The following CSRP3 variants were observed in gnomAD, a reference collection of about 807,000 sequenced individuals.
CSRP3 encodes cysteine and glycine-rich protein 3.
CSRP3 carries 24 observed loss-of-function variants against 24.3 expected under a neutral mutation model. The ratio of observed to expected loss-of-function variants is 0.99; its 90% confidence interval spans 0.71 to 1.39. The LOEUF is 1.39. Ranked by LOEUF, CSRP3 falls within the 40% of genes most tolerant of loss-of-function variation. The probability of loss-of-function intolerance (pLI) is 0.00; values close to 1 mark genes in which losing one functional copy is unlikely to be tolerated. For missense variants in CSRP3, 240 were observed against 249.0 expected, an observed-to-expected ratio of 0.96 and a Z score of 0.24; for synonymous variants, 105 against 94.0, an observed-to-expected ratio of 1.12 and a Z score of -0.68.
chr11:19,192,432 C>T lies in CSRP3; in HGVS notation c.17G>A (p.Gly6Glu), dbSNP rs1431565691. The change falls in exon 2 of 6, where the codon GGA (glycine) becomes GAA (glutamate). Residue 6 changes from glycine (G) to glutamate (E), a missense_variant. By Grantham distance (98) the Gly-to-Glu change is moderately conservative. Transcript: ENST00000265968. MPNWG[G>E]GAKCGACEKT... ...TTCACAGGCTCCACATTTTGCGCCT[C>T]CGCCCCAGTTTGGCATCTTGAAGAC... The T allele has an allele frequency of 6.2e-7, 1 of 1,614,110 alleles. No individual in the cohort carries two copies. The highest frequency in any genetic ancestry group is 1.1e-5 in the South Asian group (1 of 91,088).
chr11:19,185,174 T>C, intron 4 of CSRP3, 129 bp from the exon 5 acceptor site: 2 of 740,082 alleles, frequency 2.7e-6, no homozygotes, highest in Non-Finnish European at 2.4e-6. Flanking sequence ...ATGGGCCCCA[T>C]AATTTCTCCA....
rs1421823559 is a variant in CSRP3, at chr11:19,182,157, T to C, written c.*513A>G. 1.3e-5 allele frequency: 2 copies of C among 158,486 alleles called. No individual in the cohort carries two copies. Among genetic ancestry groups the C allele is most frequent in the Non-Finnish European group, 2.8e-5 (2 of 71,388 alleles). 9.8% of individuals were successfully genotyped at this position (158,486 alleles called of 1,614,324 possible). A position where few individuals can be genotyped will look rare whatever the true frequency, so the allele number is the denominator to read the frequency against. ...TCTTCAGCAATTTTATTAGTTTTGA[T>C]TTTCCTTTTAGATTTTGCTATCATG... On this transcript the variant is annotated 3_prime_UTR_variant, in exon 6 of 6. Coordinates refer to ENST00000265968, the MANE Select transcript of CSRP3 (RefSeq NM_003476.5).
chr11:19,185,713 G>T (rs1443116333), intron 4 of CSRP3, among the ~76,000 whole-genome samples: 1 of 152,130 alleles, frequency 6.6e-6, no homozygotes, highest in Non-Finnish European at 1.5e-5. Flanking sequence ...GAGTACCCAG[G>T]CTTTGGGCCT....
At chr11:19,184,015 C>G (rs1356346235) in intron 5 of CSRP3, among the ~76,000 whole-genome samples, 1 of 152,120 alleles carries the variant, frequency 6.6e-6, no homozygotes, top group Admixed American at 6.5e-5. Flanking sequence ...GCCATGATTG[C>G]GAGGCCTCCC....
At chr11:19,189,575 A>G (rs977850136) in intron 2 of CSRP3, among the ~76,000 whole-genome samples, 6 of 152,248 alleles carry the variant, frequency 3.9e-5, no homozygotes, top group Non-Finnish European at 7.3e-5. Context: ...TCAGGCTAAT[A>G]TGCCTTCTTC....
chr11:19,196,385 G>T (rs1313119511), intron 1 of CSRP3, among the ~76,000 whole-genome samples: 4 of 152,148 alleles, frequency 2.6e-5, no homozygotes, highest in Non-Finnish European at 5.9e-5. Flanking sequence ...CCATTGTGAA[G>T]GTCATGGAAA....
In CSRP3 at chr11:19,182,766, G is replaced by T. The variant is rs375020550; in HGVS notation, c.509-20C>A. On this transcript the variant is annotated intron_variant, in intron 5 of 5. Coordinates refer to ENST00000265968, the MANE Select transcript of CSRP3 (RefSeq NM_003476.5). ...AGCAAACTGTGAATGAGAAGAGGATGAAGGGAGAGACAATGCATTGGTTAG... is the reference window on the plus strand; with the variant it reads ...AGCAAACTGTGAATGAGAAGAGGATTAAGGGAGAGACAATGCATTGGTTAG... The T allele has an allele frequency of 4.4e-6, 7 of 1,588,636 alleles. No homozygotes were observed. Among genetic ancestry groups the T allele is most frequent in the Non-Finnish European group, 6.1e-6 (7 of 1,156,638 alleles).
chr11:19,191,644 G>C (rs1850616149), intron 2 of CSRP3, among the ~76,000 whole-genome samples: 1 of 152,140 alleles, frequency 6.6e-6, no homozygotes, highest in African/African-American at 2.4e-5. Flanking sequence ...TTAGATGTGA[G>C]AAATGACTTA....
intron 3 of CSRP3, 110 bp downstream of exon 3, chr11:19,188,023 TCAA>T (rs1238752944): frequency 2.2e-5 from 27 of 1,243,922 alleles, no homozygotes; most frequent in Non-Finnish European, 3.1e-5. Context: ...TGTTGGCAAG[TCAA>T]CAATAGAGTC....
At chr11:19,193,425 A>G (rs1850647176) in intron 1 of CSRP3, among the ~76,000 whole-genome samples, 1 of 152,224 alleles carries the variant, frequency 6.6e-6, no homozygotes, top group South Asian at 2.1e-4. Flanking sequence ...AGCTACAAGG[A>G]GCTGCTAATA....
At chr11:19,188,632 G>A (rs1850569492) in intron 2 of CSRP3, among the ~76,000 whole-genome samples, 1 of 151,634 alleles carries the variant, frequency 6.6e-6, no homozygotes, top group African/African-American at 2.4e-5. Context: ...GTGTGTGTGT[G>A]TGTGTGTGTG....
rs10766529 is a variant in CSRP3, at chr11:19,188,536, C to T, written c.113-232G>A. Among the ~76,000 whole-genome samples, 25,998 of 151,536 alleles carry T rather than the reference C, an allele frequency of 0.17. 2,351 individuals carry two copies. Among genetic ancestry groups the T allele is most frequent in the African/African-American group, 0.21 (8,604 of 41,294 alleles). On this transcript the variant is annotated intron_variant, in intron 2 of 5. Coordinates refer to ENST00000265968, the MANE Select transcript of CSRP3 (RefSeq NM_003476.5). ...GTTCCCAGCTGGAAAAGGGTGGAAG[C>T]TAGCATTAGAACGAGATATATAGTC...
At chr11:19,200,036 A>G (rs1365009432) in intron 1 of CSRP3, among the ~76,000 whole-genome samples, 1 of 152,184 alleles carries the variant, frequency 6.6e-6, no homozygotes, top group East Asian at 1.9e-4. Flanking sequence ...ACTCCTGGTC[A>G]GCTTCTTACC....
intron 2 of CSRP3, among the ~76,000 whole-genome samples, chr11:19,189,558 G>A (rs1353033462): frequency 6.6e-6 from 1 of 152,060 alleles, no homozygotes; most frequent in Non-Finnish European, 1.5e-5. Context: ...CATTGAATGA[G>A]GTTATTTCAG....
Position 19,186,296 on chromosome 11 carries a change from C to G in CSRP3, c.334G>C (p.Ala112Pro), listed in dbSNP as rs727504905. ...VTTSNPSKFT[A>P]KFGESEKCPR... is the part of the protein sequence containing the mutation. ...CACTTCTCGGACTCTCCAAACTTCG[C>G]AGTGAATTTGGAAGGGTTGCTGGTG... The change falls in exon 4 of 6, where the codon GCG becomes CCG. Residue 112 changes from alanine (A) to proline (P), a missense_variant. Transcript: ENST00000265968. 1 of 1,614,182 alleles carries G rather than the reference C, an allele frequency of 6.2e-7. No individual in the cohort carries two copies. Among genetic ancestry groups the G allele is most frequent in the Non-Finnish European group, 8.5e-7 (1 of 1,180,032 alleles).
Position 19,186,261 on chromosome 11 carries a change from A to T in CSRP3, c.369T>A (p.Cys123Ter), listed in dbSNP as rs1216811263. The T allele has an allele frequency of 1.2e-6, 2 of 1,614,080 alleles. No homozygotes were observed. Among genetic ancestry groups the T allele is most frequent in the African/African-American group, 2.7e-5 (2 of 74,926 alleles). Residue 123 changes from cysteine (C) to a stop codon, truncating the protein, a stop_gained, in exon 4 of 6, where the codon TGT becomes TGA. Coordinates refer to ENST00000265968, the MANE Select transcript of CSRP3 (RefSeq NM_003476.5). LOFTEE classifies it high-confidence loss of function. ...TCTCAGCAGCATAGACTGACTTGCCACATCGAGGGCACTTCTCGGACTCTC... is the reference window on the plus strand; with the variant it reads ...TCTCAGCAGCATAGACTGACTTGCCTCATCGAGGGCACTTCTCGGACTCTC... ...KFGESEKCPRCGKSVYAAEKV... is the reference protein window; with the variant it reads ...KFGESEKCPR
intron 1 of CSRP3, among the ~76,000 whole-genome samples, chr11:19,193,855 G>T (rs1184727882): frequency 6.6e-6 from 1 of 152,178 alleles, no homozygotes; most frequent in Admixed American, 6.5e-5. Flanking sequence ...AATAATAATT[G>T]TCCTCATCTG....
At chr11:19,196,828 A>G (rs2133521836) in intron 1 of CSRP3, 1 of 152,376 alleles carries the variant, frequency 6.6e-6, no homozygotes, top group African/African-American at 2.4e-5. Context: ...AATGGGGGAC[A>G]GTCTGGAATT....
chr11:19,182,755 G>A lies in CSRP3; in HGVS notation c.509-9C>T. ...ATTTTTGGCATAGCAAACTGTGAATGAGAAGAGGATGAAGGGAGAGACAAT... is the reference window on the plus strand; with the variant it reads ...ATTTTTGGCATAGCAAACTGTGAATAAGAAGAGGATGAAGGGAGAGACAAT... On this transcript the variant is annotated splice_polypyrimidine_tract_variant and intron_variant, in intron 5 of 5. Transcript: ENST00000265968. 1 of 1,606,922 alleles carries A rather than the reference G, an allele frequency of 6.2e-7. No individual in the cohort carries two copies. The highest frequency in any genetic ancestry group is 8.5e-7 in the Non-Finnish European group (1 of 1,173,374).
Sources: gnomAD v4.1 joint callset for allele counts (sites outside exome capture counted in the v4.1 genomes callset) on GRCh38, gnomAD v4.1.1 for gene constraint, MANE v1.5 for transcripts, NCBI Gene and HGNC (gene_info 2026-07-23, HGNC 2026-07-21) for gene names.